STAT3: variants seen among roughly 807,000 people sequenced by gnomAD.
STAT3 encodes DNA-binding protein APRF.
In STAT3, 7 loss-of-function variants were observed where a neutral mutation model predicts 114.3. That is an observed-to-expected ratio of 0.06 (90% CI 0.03 to 0.11). STAT3 has a LOEUF of 0.11. Ranked by LOEUF, STAT3 falls within the 10% of genes least tolerant of loss-of-function variation. The pLI is 1.00. For missense variants in STAT3, 364 were observed against 960.9 expected (o/e 0.38, Z 8.21); for synonymous variants, 331 against 354.5 (o/e 0.93, Z 0.74).
chr17:42,369,569 C>T (rs2083992523), intron 1 of STAT3, among the ~76,000 whole-genome samples: 1 of 152,102 alleles, frequency 6.6e-6, no homozygotes, highest in African/African-American at 2.4e-5. Context: ...CAATGCTTTA[C>T]CCTCAAGAAA....
Position 42,337,740 on chromosome 17 carries a change from A to C in STAT3, c.645+23T>G. 1 of 1,613,934 alleles carries C rather than the reference A, an allele frequency of 6.2e-7. No homozygotes were observed. Among genetic ancestry groups the C allele is most frequent in the Non-Finnish European group, 8.5e-7 (1 of 1,179,808 alleles). On this transcript the variant is annotated intron_variant, in intron 7 of 23. Coordinates refer to ENST00000264657, the MANE Select transcript of STAT3 (RefSeq NM_139276.3). The surrounding 1 kb of genome is among the most constrained non-coding windows in gnomAD (Gnocchi z 4.0). ...GCAAGTGAGCGAGACACATGGGGGA[A>C]GTGGTCCGACCTATGCCCTTACTCT...
At chr17:42,365,684 CT>C (rs1176921205) in intron 1 of STAT3, among the ~76,000 whole-genome samples, 1 of 139,362 alleles carries the variant, frequency 7.2e-6, no homozygotes. Context: ...GAGACGGAGT[CT>C]TGCTCTGTTG....
intron 1 of STAT3, among the ~76,000 whole-genome samples, chr17:42,383,780 G>A (rs1450603992): frequency 6.6e-6 from 1 of 152,190 alleles, no homozygotes; most frequent in African/African-American, 2.4e-5. Flanking sequence ...TACTCTTTCA[G>A]TGGTTTTTAT....
In STAT3 at chr17:42,315,359, G is replaced by T; in HGVS notation, c.*386C>A. The T allele has an allele frequency of 2.3e-6, 1 of 427,300 alleles. No homozygotes were observed. The highest frequency in any genetic ancestry group is 2.4e-5 in the South Asian group (1 of 41,794). 26.5% of individuals were successfully genotyped at this position (427,300 alleles called of 1,614,324 possible). A position where few individuals can be genotyped will look rare whatever the true frequency, so the allele number is the denominator to read the frequency against. On this transcript the variant is annotated 3_prime_UTR_variant, in exon 24 of 24. Coordinates refer to ENST00000264657, the MANE Select transcript of STAT3 (RefSeq NM_139276.3). Reference sequence around the variant, plus strand: ...ATTTGCTTACAGAAACAGGCAGAAGGATGCCGCAGGCACCAGGAGGCACTT... The same window carrying T: ...ATTTGCTTACAGAAACAGGCAGAAGTATGCCGCAGGCACCAGGAGGCACTT...
intron 1 of STAT3, among the ~76,000 whole-genome samples, chr17:42,380,122 C>T (rs546121453): frequency 6.6e-6 from 1 of 152,160 alleles, no homozygotes; most frequent in African/African-American, 2.4e-5. Context: ...GCAACCCCCA[C>T]CTCCTGGGTT....
intron 1 of STAT3, among the ~76,000 whole-genome samples, chr17:42,384,236 C>T (rs1356336312): frequency 6.6e-6 from 1 of 150,860 alleles, no homozygotes; most frequent in Non-Finnish European, 1.5e-5. Flanking sequence ...TCACGCTCTT[C>T]TCCTGCCTCA....
At chr17:42,376,203 A>G (rs2084449653) in intron 1 of STAT3, among the ~76,000 whole-genome samples, 1 of 151,910 alleles carries the variant, frequency 6.6e-6, no homozygotes, top group Non-Finnish European at 1.5e-5. Context: ...ACTGGCAGAT[A>G]TTTTCTCAAA....
intron 14 of STAT3, among the ~76,000 whole-genome samples, chr17:42,328,042 A>AAAAAAAAG (rs1555565216): frequency 3.0e-4 from 44 of 148,858 alleles, no homozygotes; most frequent in African/African-American, 9.1e-4. Flanking sequence ...GACTCAAAAA[A>AAAAAAAAG]AAAAAAGAAA....
intron 1 of STAT3, among the ~76,000 whole-genome samples, chr17:42,363,433 C>A (rs955086133): frequency 2.6e-5 from 4 of 152,030 alleles, no homozygotes; most frequent in African/African-American, 9.7e-5. Context: ...CAGTTCCTCT[C>A]TCCAGCCTAC....
chr17:42,359,707 C>A (rs1032444945), intron 1 of STAT3, among the ~76,000 whole-genome samples: 3 of 152,152 alleles, frequency 2.0e-5, no homozygotes, highest in Non-Finnish European at 4.4e-5. Flanking sequence ...ATTGTAACAA[C>A]CCTATCAGAT....
chr17:42,363,013 T>C (rs543163321), intron 1 of STAT3, among the ~76,000 whole-genome samples: 1 of 152,202 alleles, frequency 6.6e-6, no homozygotes, highest in African/African-American at 2.4e-5. Flanking sequence ...GAAAGCCCCA[T>C]GAAGACAAGA....
chr17:42,364,862 G>A (rs541455741), intron 1 of STAT3, among the ~76,000 whole-genome samples: 74 of 152,298 alleles, frequency 4.9e-4, no homozygotes, highest in African/African-American at 1.6e-3. Context: ...CTGGAGAGAA[G>A]GAAGATTCTT....
intron 1 of STAT3, among the ~76,000 whole-genome samples, chr17:42,357,928 G>A (rs1465679493): frequency 3.9e-5 from 6 of 152,066 alleles, no homozygotes; most frequent in African/African-American, 1.4e-4. Context: ...ATTTCCTAAA[G>A]AGACAAAATA....
rs756570495 is a variant in STAT3, at chr17:42,333,097, A to G, written c.1049+576T>C. ...AAAGTTGTGAGAGATTCACAAAAGG[A>G]TAATCAAAGCCATATAATGAAAAAT... On this transcript the variant is annotated intron_variant, in intron 10 of 23. Transcript: ENST00000264657. This position sits in a 1 kb window ranked among gnomAD's most constrained non-coding sequence, Gnocchi z 5.2. Among the ~76,000 whole-genome samples the G allele has an allele frequency of 1.3e-5, 2 of 152,234 alleles. No homozygotes were observed. The highest frequency in any genetic ancestry group is 2.4e-5 in the African/African-American group (1 of 41,464).
At chr17:42,362,433 T>C (rs1053160185) in intron 1 of STAT3, among the ~76,000 whole-genome samples, 1 of 152,164 alleles carries the variant, frequency 6.6e-6, no homozygotes, top group Non-Finnish European at 1.5e-5. Context: ...TCCAGGCCAT[T>C]TTCCACACTG....
chr17:42,341,738 G>T (rs1243748800), intron 4 of STAT3, among the ~76,000 whole-genome samples: 1 of 152,050 alleles, frequency 6.6e-6, no homozygotes, highest in Non-Finnish European at 1.5e-5. Context: ...TTCTCTAAGG[G>T]ACAGAGGGTA....
intron 1 of STAT3, among the ~76,000 whole-genome samples, chr17:42,384,087 A>C (rs1207372152): frequency 6.6e-6 from 1 of 151,912 alleles, no homozygotes; most frequent in Non-Finnish European, 1.5e-5. Flanking sequence ...ATGATTAAAC[A>C]TCAGTGCTTC....
At chr17:42,387,875 A>C in intron 1 of STAT3, 1 of 170,282 alleles carries the variant, frequency 5.9e-6, no homozygotes, top group Non-Finnish European at 1.2e-5. Flanking sequence ...CCGGGCGGGG[A>C]GGAGGCGCTT....
At chr17:42,322,153 A>T in intron 21 of STAT3, 129 bp downstream of exon 21, 2 of 907,138 alleles carry the variant, frequency 2.2e-6, no homozygotes, top group South Asian at 2.8e-5. Context: ...ACTCACTACA[A>T]TTCTTTCCCA....
Sources: allele counts gnomAD v4.1 joint callset (sites outside exome capture counted in the v4.1 genomes callset), GRCh38; gene constraint gnomAD v4.1.1; non-coding constraint Gnocchi (gnomAD v3.1); transcripts MANE v1.5; gene names NCBI Gene and HGNC (gene_info 2026-07-23, HGNC 2026-07-21).